AFF1: variants seen among roughly 807,000 people sequenced by gnomAD.
AFF1 encodes the protein ALF transcription elongation factor 1.
AFF1 carries 48 observed loss-of-function variants against 121.7 expected under a neutral mutation model. The ratio of observed to expected loss-of-function variants is 0.39; its 90% CI spans 0.31 to 0.50. AFF1 has a LOEUF of 0.50. Among genes scored for constraint, AFF1 ranks in the 20% least tolerant of loss-of-function variants. The pLI, the probability that AFF1 is intolerant of heterozygous loss-of-function variation, is 0.76. For synonymous variants in AFF1, 613 were observed against 563.0 expected (o/e 1.09, Z -1.26); for missense variants, 1,523 against 1,511.7 (o/e 1.01, Z -0.12).
chr4:87,042,621 A>G (rs1730273465), intron 2 of AFF1, among the ~76,000 whole-genome samples: 1 of 152,262 alleles, frequency 6.6e-6, no homozygotes, highest in Non-Finnish European at 1.5e-5. Flanking sequence ...AATCATAAAA[A>G]GAAAATTTGT....
intron 2 of AFF1, among the ~76,000 whole-genome samples, chr4:87,008,979 AAGAT>A (rs1726455393): frequency 3.5e-5 from 5 of 144,222 alleles, no homozygotes; most frequent in Non-Finnish European, 7.6e-5. Flanking sequence ...AATTAAGATT[AAGAT>A]ACCTTGATCT....
chr4:87,081,152 A>ATTTTTTTTTTTTTTTTTTTTTT (rs549510832), intron 4 of AFF1, among the ~76,000 whole-genome samples: 1 of 89,718 alleles, frequency 1.1e-5, no homozygotes, highest in African/African-American at 4.4e-5. Flanking sequence ...AATGAAATGA[A>ATTTTTTTTTTTTTTTTTTTTTT]TTTTTTTTTT....
Position 87,108,239 on chromosome 4 carries a change from G to A in AFF1, c.1457G>A (p.Ser486Asn). ...TCAGAAAGCACCAGTGACTCAGACA[G>A]TTCCTCAGACTCAGAGAGCGAGAGC... ...AESESTSDSD[S>N]SSDSESESSS... The change falls in exon 11 of 21, where the codon AGT becomes AAT. Residue 486 changes from serine (S) to asparagine (N), a missense_variant. Coordinates refer to ENST00000395146, the MANE Select transcript of AFF1 (RefSeq NM_001166693.3). 2 of 1,614,136 alleles carry A rather than the reference G, an allele frequency of 1.2e-6. No individual in the cohort carries two copies. Among genetic ancestry groups the A allele is most frequent in the Non-Finnish European group, 1.7e-6 (2 of 1,179,992 alleles).
At chr4:87,126,943 G>T (rs528598477) in intron 14 of AFF1, 83 bp from the exon 15 acceptor site, 4 of 1,155,198 alleles carry the variant, frequency 3.5e-6, no homozygotes, top group African/African-American at 1.5e-5. Context: ...CTACTATTTC[G>T]GGCTATTTAA....
At position 86,940,705 on chromosome 4, in the gene AFF1, A is replaced by G. The variant is rs115549443; in HGVS notation, c.-37+5465A>G. 9.3e-3 allele frequency among the ~76,000 whole-genome samples: 1,417 copies of G among 151,966 alleles called. 24 individuals are homozygous for G. The highest frequency in any genetic ancestry group is 0.033 in the African/African-American group (1,363 of 41,474). ...GTGAGCCACTGTGCCTGGCCTTCCT[A>G]ATCTTTTATAGTTGTCAGTAAGTGT... On this transcript the variant is annotated intron_variant, in intron 1 of 20. Coordinates refer to ENST00000395146, the MANE Select transcript of AFF1 (RefSeq NM_001166693.3).
At position 87,086,227 on chromosome 4, in the gene AFF1, A is replaced by G. The variant is rs78704355; in HGVS notation, c.1104+2063A>G. 8.5e-4 allele frequency among the ~76,000 whole-genome samples: 129 copies of G among 152,290 alleles called. 2 individuals carry two copies. In the East Asian group the frequency reaches 0.025, roughly 29 times the overall value. ...CTGTGGCCTTGGCATTTCCTCTGAAATTGTGCGTTATTTGTTCTATCATTA... is the reference window on the plus strand; with the variant it reads ...CTGTGGCCTTGGCATTTCCTCTGAAGTTGTGCGTTATTTGTTCTATCATTA... On this transcript the variant is annotated intron_variant, in intron 5 of 20. Transcript: ENST00000395146.
intron 8 of AFF1, among the ~76,000 whole-genome samples, chr4:87,099,349 A>G (rs998915991): frequency 6.6e-6 from 1 of 152,190 alleles, no homozygotes; most frequent in African/African-American, 2.4e-5. Flanking sequence ...GTAGATCTGC[A>G]TTAAGCCTTC....
chr4:86,949,933 G>C, intron 2 of AFF1: 2 of 1,614,128 alleles, frequency 1.2e-6, no homozygotes, highest in Non-Finnish European at 1.7e-6. Flanking sequence ...TGGACCCAGC[G>C]GGCCGCAGGT....
At chr4:87,113,080 C>A (rs959106198) in intron 11 of AFF1, among the ~76,000 whole-genome samples, 1 of 152,110 alleles carries the variant, frequency 6.6e-6, no homozygotes, top group South Asian at 2.1e-4. Flanking sequence ...GTCTAACAGC[C>A]GAGCTGGAGA....
chr4:87,054,558 G>A (rs899432325), intron 4 of AFF1, among the ~76,000 whole-genome samples: 1 of 152,124 alleles, frequency 6.6e-6, no homozygotes, highest in Admixed American at 6.5e-5. Flanking sequence ...TCTAGATTCC[G>A]TAAGCTCGAC....
intron 4 of AFF1, among the ~76,000 whole-genome samples, chr4:87,083,615 T>G (rs2149701706): frequency 6.6e-6 from 1 of 152,230 alleles, no homozygotes; most frequent in East Asian, 1.9e-4. Flanking sequence ...TTTGTACATC[T>G]CTTATTCCCT....
Position 87,139,466 on chromosome 4 carries a change from T to C in AFF1, c.*3765T>C, listed in dbSNP as rs1483084276. On this transcript the variant is annotated 3_prime_UTR_variant, in exon 21 of 21. Coordinates refer to ENST00000395146, the MANE Select transcript of AFF1 (RefSeq NM_001166693.3). ...TTAAAACTTTGCCATTTCATCTGTTTACACTCTTTGCCACTGATTAGCAGT... is the reference window on the plus strand; with the variant it reads ...TTAAAACTTTGCCATTTCATCTGTTCACACTCTTTGCCACTGATTAGCAGT... The C allele has an allele frequency of 8.6e-6, 2 of 232,386 alleles. No individual in the cohort carries two copies. The highest frequency in any genetic ancestry group is 2.2e-5 in the African/African-American group (1 of 45,306). 14.4% of individuals were successfully genotyped at this position (232,386 alleles called of 1,614,324 possible). A position where few individuals can be genotyped will look rare whatever the true frequency, so the allele number is the denominator to read the frequency against.
At position 87,084,145 on chromosome 4, in the gene AFF1, G is replaced by A; in HGVS notation, c.1085G>A (p.Cys362Tyr). 6.2e-7 allele frequency: 1 copy of A among 1,613,876 alleles called. No individual in the cohort carries two copies. The highest frequency in any genetic ancestry group is 8.5e-7 in the Non-Finnish European group (1 of 1,179,830). The stretch of plus-strand genomic sequence containing the variant: ...CAGACCTACTCCAATGAAGTCCATT[G>A]TGTTGAAGAGATTCTGAAGGTGAGT... ...VEQTYSNEVH[C>Y]VEEILKEMTH... Residue 362 changes from cysteine to tyrosine, a missense_variant, in exon 5 of 21, where the codon TGT (cysteine) becomes TAT (tyrosine). Physicochemically the swap from Cys to Tyr is radical, Grantham distance 194. Coordinates refer to ENST00000395146, the MANE Select transcript of AFF1 (RefSeq NM_001166693.3).
At position 87,001,456 on chromosome 4, in the gene AFF1, TC is replaced by T. The variant is rs369056654; in HGVS notation, c.39-44708del. Among the ~76,000 whole-genome samples, 135 of 152,204 alleles carry T rather than the reference TC, an allele frequency of 8.9e-4. 3 individuals carry two copies. The South Asian group carries it at 0.027, about 31-fold the overall frequency. On this transcript the variant is annotated intron_variant, in intron 2 of 20. Transcript: ENST00000395146. ...TGGTCTGGATCTCCTGACCTCGTGA[TC>T]CACCCGCCTCGGCCTCCCAAGGTGT...
At chr4:87,113,430 C>G (rs1726761845) in intron 11 of AFF1, among the ~76,000 whole-genome samples, 1 of 152,148 alleles carries the variant, frequency 6.6e-6, no homozygotes, top group South Asian at 2.1e-4. Context: ...GCCACCTCTC[C>G]TGGCTAATTT....
rs147291994 is a variant in AFF1 at position 87,028,386 on chromosome 4, G to A, written c.39-17780G>A. On this transcript the variant is annotated intron_variant, in intron 2 of 20. Coordinates refer to ENST00000395146, the MANE Select transcript of AFF1 (RefSeq NM_001166693.3). ...GCCCATTTTGACAGTGCATGCATCT[G>A]TGTAACTCATACCCCTAGTAAGATT... Among the ~76,000 whole-genome samples, 317 of 152,082 alleles carry A rather than the reference G, an allele frequency of 2.1e-3. 1 individual carries two copies. Among genetic ancestry groups the A allele is most frequent in the African/African-American group, 7.4e-3 (309 of 41,490 alleles).
At chr4:87,009,424 T>A (rs1726501374) in intron 2 of AFF1, among the ~76,000 whole-genome samples, 1 of 152,228 alleles carries the variant, frequency 6.6e-6, no homozygotes, top group African/African-American at 2.4e-5. Context: ...TGGTTGTTTG[T>A]AATATGTAAT....
intron 2 of AFF1, among the ~76,000 whole-genome samples, chr4:87,011,192 C>A (rs1204168768): frequency 6.6e-6 from 1 of 151,978 alleles, no homozygotes; most frequent in Non-Finnish European, 1.5e-5. Flanking sequence ...GTTGAACTTG[C>A]TTCTTTGGGA....
chr4:87,025,907 G>A (rs1220550190), intron 2 of AFF1, among the ~76,000 whole-genome samples: 1 of 152,126 alleles, frequency 6.6e-6, no homozygotes, highest in African/African-American at 2.4e-5. Flanking sequence ...TTAGGACACA[G>A]TATGTGCAAG....
Sources: allele counts gnomAD v4.1 joint callset (sites outside exome capture counted in the v4.1 genomes callset), GRCh38; gene constraint gnomAD v4.1.1; transcripts MANE v1.5; gene names NCBI Gene and HGNC (gene_info 2026-07-23, HGNC 2026-07-21).